Variants in NAALADL2 observed in about 807,000 individuals in gnomAD.
The protein encoded by NAALADL2 is N-acetylated alpha-linked acidic dipeptidase like 2.
Under a neutral mutation model 87.2 loss-of-function variants are expected in NAALADL2, and 76 were observed. The observed-to-expected ratio is 0.87, with a 90% confidence interval of 0.72 to 1.05. The LOEUF (loss-of-function observed/expected upper bound fraction) is 1.05. Ranked by LOEUF, NAALADL2 falls within the 50% of genes least tolerant of loss-of-function variation. The probability of loss-of-function intolerance (pLI) is 0.00; values close to 1 mark genes in which losing one functional copy is unlikely to be tolerated. For missense variants in NAALADL2, 1,089 were observed against 945.8 expected, an observed-to-expected ratio of 1.15 and a Z score of -1.99; for synonymous variants, 354 against 331.0, an observed-to-expected ratio of 1.07 and a Z score of -0.75.
chr3:175,343,176 A>C (rs1291400255), intron 5 of NAALADL2, among the ~76,000 whole-genome samples: 1 of 152,080 alleles, frequency 6.6e-6, no homozygotes, highest in African/African-American at 2.4e-5. Context: ...AAATGAAATT[A>C]GATGAATTAT....
chr3:175,803,052 T>C lies in NAALADL2; in HGVS notation c.2237T>C (p.Leu746Pro), dbSNP rs1244937238. The change falls in exon 14 of 14, where the codon CTT (leucine) becomes CCT (proline). Residue 746 changes from leucine (L) to proline (P), a missense_variant. By Grantham distance (98) the Leu-to-Pro change is moderately conservative. Transcript: ENST00000454872. ...GAAAAGACAAGCCGGTTTTCAATAC[T>C]TATAGAGGCTTGGGAACACTGCAAA... is the stretch of plus-strand genomic sequence containing the variant. Reference protein sequence around the residue: ...LDEKTSRFSILIEAWEHCKPL... With the variant: ...LDEKTSRFSIPIEAWEHCKPL... 1 of 1,612,218 alleles carries C rather than the reference T, an allele frequency of 6.2e-7. No homozygotes were observed.
chr3:174,995,523 G>T (rs1747322279), intron 1 of NAALADL2, among the ~76,000 whole-genome samples: 1 of 152,050 alleles, frequency 6.6e-6, no homozygotes, highest in Non-Finnish European at 1.5e-5. Flanking sequence ...CTGTTCTTTT[G>T]TGTTGATGAA....
At chr3:175,593,278 TA>T (rs1452684249) in intron 10 of NAALADL2, among the ~76,000 whole-genome samples, 2 of 152,168 alleles carry the variant, frequency 1.3e-5, no homozygotes, top group African/African-American at 4.8e-5. Context: ...TTAACACAAG[TA>T]TTTTCTTTAC....
At chr3:174,882,903 GTA>G (rs935295579) in intron 1 of NAALADL2, among the ~76,000 whole-genome samples, 6 of 149,912 alleles carry the variant, frequency 4.0e-5, no homozygotes, top group Admixed American at 1.3e-4. Context: ...ATATATATGT[GTA>G]TATATATGTT....
intron 1 of NAALADL2, among the ~76,000 whole-genome samples, chr3:174,538,033 TGTGGA>T (rs1721888068): frequency 6.6e-6 from 1 of 152,112 alleles, no homozygotes; most frequent in African/African-American, 2.4e-5. Context: ...GTATTTATAG[TGTGGA>T]ATGATACAGT....
At chr3:175,744,981 T>C (rs1426222516) in intron 12 of NAALADL2, among the ~76,000 whole-genome samples, 2 of 151,584 alleles carry the variant, frequency 1.3e-5, no homozygotes, top group African/African-American at 4.8e-5. Flanking sequence ...CCTTCAAGGC[T>C]GAACCAGAAA....
chr3:175,233,443 A>G (rs758606218), intron 2 of NAALADL2, among the ~76,000 whole-genome samples: 5 of 151,692 alleles, frequency 3.3e-5, no homozygotes, highest in African/African-American at 4.8e-5. Flanking sequence ...GTTTTGTTTT[A>G]TTTGTTTGTT....
chr3:175,333,704 G>GAA (rs1761672088), intron 5 of NAALADL2, among the ~76,000 whole-genome samples: 3 of 151,930 alleles, frequency 2.0e-5, no homozygotes, highest in African/African-American at 7.3e-5. Context: ...GATGAAGAGA[G>GAA]GTTGGTCAGT....
chr3:175,133,515 C>T (rs1728563112), intron 2 of NAALADL2, among the ~76,000 whole-genome samples: 1 of 152,236 alleles, frequency 6.6e-6, no homozygotes, highest in African/African-American at 2.4e-5. Flanking sequence ...CAGCTAGGAG[C>T]TGGAGACCAG....
At chr3:175,280,750 C>A (rs1754186413) in intron 4 of NAALADL2, among the ~76,000 whole-genome samples, 1 of 151,980 alleles carries the variant, frequency 6.6e-6, no homozygotes, top group Admixed American at 6.6e-5. Flanking sequence ...GCAAAGTACA[C>A]AGGAGGCCCT....
intron 9 of NAALADL2, among the ~76,000 whole-genome samples, chr3:175,495,700 C>T (rs1403393431): frequency 2.0e-5 from 3 of 152,012 alleles, no homozygotes; most frequent in Non-Finnish European, 2.9e-5. Context: ...CTTACTTCCC[C>T]ATGTTCTATC....
At chr3:175,362,087 G>A (rs1765081194) in intron 5 of NAALADL2, among the ~76,000 whole-genome samples, 1 of 148,140 alleles carries the variant, frequency 6.8e-6, no homozygotes, top group Non-Finnish European at 1.5e-5. Context: ...TCTACATATG[G>A]CTAGCCAATT....
chr3:174,839,599 A>G (rs1374257302), intron 3 of NAALADL2, among the ~76,000 whole-genome samples: 1 of 152,178 alleles, frequency 6.6e-6, no homozygotes, highest in Non-Finnish European at 1.5e-5. Flanking sequence ...TATACATCTG[A>G]CAAAGAACTA....
In NAALADL2 at chr3:175,094,172, GA is replaced by G. The variant is rs1183450027; in HGVS notation, c.44-2611del. ...GAGACTCTGATTCATTAAAATGGGA[GA>G]AAAAAATCTAGAGAACTGCATGGAA... On this transcript the variant is annotated intron_variant, in intron 1 of 13. Transcript: ENST00000454872. Among the ~76,000 whole-genome samples, 11 of 151,672 alleles carry G rather than the reference GA, an allele frequency of 7.3e-5. No homozygotes were observed. The East Asian group carries it at 2.1e-3, about 29-fold the overall frequency.
At chr3:175,041,764 C>G (rs1754098201) in intron 1 of NAALADL2, among the ~76,000 whole-genome samples, 1 of 151,980 alleles carries the variant, frequency 6.6e-6, no homozygotes, top group South Asian at 2.1e-4. Flanking sequence ...GTATCTATCT[C>G]TATATTTTTA....
intron 3 of NAALADL2, among the ~76,000 whole-genome samples, chr3:174,747,349 A>G (rs1315819251): frequency 6.6e-6 from 1 of 152,160 alleles, no homozygotes; most frequent in East Asian, 1.9e-4. Context: ...AGTGTTCATC[A>G]GAGAAATGCA....
At chr3:175,689,743 T>C (rs1736794635) in intron 11 of NAALADL2, among the ~76,000 whole-genome samples, 2 of 152,112 alleles carry the variant, frequency 1.3e-5, no homozygotes, top group Admixed American at 6.6e-5. Context: ...CATTCTAACA[T>C]TCTTATTTTT....
chr3:175,581,933 G>A (rs1443993697), intron 10 of NAALADL2, among the ~76,000 whole-genome samples: 1 of 151,966 alleles, frequency 6.6e-6, no homozygotes, highest in African/African-American at 2.4e-5. Flanking sequence ...ATCTTTTCTG[G>A]GCATCTTTGA....
At chr3:174,856,002 A>G (rs1391541249), upstream of NAALADL2, among the ~76,000 whole-genome samples, 5 of 132,858 alleles carry the variant, frequency 3.8e-5, no homozygotes, top group Non-Finnish European at 7.9e-5. Context: ...ATATATATAT[A>G]TGAGAGAGAG....
Sources: allele counts gnomAD v4.1 joint callset (sites outside exome capture counted in the v4.1 genomes callset), GRCh38; gene constraint gnomAD v4.1.1; transcripts MANE v1.5; gene names NCBI Gene and HGNC (gene_info 2026-07-23, HGNC 2026-07-21).